The following CNTN4 variants were observed in gnomAD, a reference collection of about 807,000 sequenced individuals.
The protein encoded by CNTN4 is contactin-4.
CNTN4 carries 77 observed loss-of-function variants against 122.5 expected under a neutral mutation model. The observed-to-expected ratio is 0.63, with a 90% CI of 0.52 to 0.76. CNTN4 has a LOEUF of 0.76. CNTN4 is among the 30% of genes least tolerant of loss of function. The pLI is 0.00. For synonymous variants in CNTN4, 512 were observed against 447.0 expected, an observed-to-expected ratio of 1.15 and a Z score of -1.83; for missense variants, 1,256 against 1,259.1, an observed-to-expected ratio of 1.00 and a Z score of 0.04.
chr3:2,172,939 T>C (rs2036579954), intron 2 of CNTN4, among the ~76,000 whole-genome samples: 1 of 152,170 alleles, frequency 6.6e-6, no homozygotes, highest in Non-Finnish European at 1.5e-5. Flanking sequence ...GCAAAGATGA[T>C]TGACGTTTTA....
chr3:2,716,243 T>A (rs1024427300), intron 4 of CNTN4, among the ~76,000 whole-genome samples: 12 of 152,210 alleles, frequency 7.9e-5, no homozygotes, highest in African/African-American at 2.6e-4. Flanking sequence ...AACTCAAAGA[T>A]ATAACTTCTA....
chr3:2,631,907 C>G lies in CNTN4; in HGVS notation c.55+60349C>G, dbSNP rs1404095205. Among the ~76,000 whole-genome samples the G allele has an allele frequency of 3.6e-5, 5 of 137,844 alleles. No homozygotes were observed. In the East Asian group the frequency reaches 1.0e-3, roughly 28 times the overall value. The allele number at this position is 137,844 out of a possible 152,430, so 90.4% of individuals were successfully genotyped here. Reference sequence around the variant, plus strand: ...AAAAAAACAACAACTAAAAAATTAGCTGGACATGGTGGCGTGCACCTGTAA... The same window carrying G: ...AAAAAAACAACAACTAAAAAATTAGGTGGACATGGTGGCGTGCACCTGTAA... On this transcript the variant is annotated intron_variant, in intron 4 of 24. Coordinates refer to ENST00000418658, the MANE Select transcript of CNTN4 (RefSeq NM_175607.3).
At position 2,961,025 on chromosome 3, in the gene CNTN4, T is replaced by TCAAGA. The variant is rs200591902; in HGVS notation, c.1359-27319_1359-27318insAAGAC. 4.2e-5 allele frequency among the ~76,000 whole-genome samples: 6 copies of TCAAGA among 142,970 alleles called. No individual in the cohort carries two copies. In the Admixed American group the frequency reaches 4.2e-4, roughly 10 times the overall value. The allele number at this position is 142,970 out of a possible 152,430, so 93.8% of individuals were successfully genotyped here. ...GCGGGTGGATCACGAGGTCAGGAGA[T>TCAAGA]CGAGACCATCCTGGCTAACACGGTG... On this transcript the variant is annotated intron_variant, in intron 13 of 24. Transcript: ENST00000418658.
intron 13 of CNTN4, among the ~76,000 whole-genome samples, chr3:2,984,707 C>T (rs963449657): frequency 2.0e-5 from 3 of 152,112 alleles, no homozygotes; most frequent in Non-Finnish European, 2.9e-5. Flanking sequence ...TTGGAATGAT[C>T]GTGATACTGT....
intron 14 of CNTN4, among the ~76,000 whole-genome samples, chr3:3,016,096 A>G (rs1021391606): frequency 3.3e-5 from 5 of 152,138 alleles, no homozygotes; most frequent in Non-Finnish European, 5.9e-5. Context: ...CCGTGGGTAA[A>G]AGATATCTGT....
chr3:3,040,334 G>T, intron 20 of CNTN4, 63 bp downstream of exon 20: 1 of 1,264,880 alleles, frequency 7.9e-7, no homozygotes, highest in Non-Finnish European at 1.2e-6. Context: ...AATGTGGATT[G>T]TAGCACGTAC....
intron 2 of CNTN4, among the ~76,000 whole-genome samples, chr3:2,244,623 GTTACTGCTAGAAAA>G (rs1228671560): frequency 6.6e-6 from 1 of 151,934 alleles, no homozygotes; most frequent in East Asian, 1.9e-4. Flanking sequence ...CTTTTTAACT[GTTACTGCTAGAAAA>G]TTTCAAACTG....
chr3:2,564,651 G>A (rs1000040437), intron 3 of CNTN4, among the ~76,000 whole-genome samples: 2 of 152,074 alleles, frequency 1.3e-5, no homozygotes, highest in African/African-American at 2.4e-5. Context: ...AGCCTGGAAC[G>A]CAGTTATTCT....
chr3:2,790,629 A>C (rs2091979379), intron 6 of CNTN4, among the ~76,000 whole-genome samples: 1 of 152,080 alleles, frequency 6.6e-6, no homozygotes. Flanking sequence ...CAGGAAAATC[A>C]CTTTATTTTC....
chr3:2,774,956 T>G (rs191118014), intron 6 of CNTN4, among the ~76,000 whole-genome samples: 12 of 152,342 alleles, frequency 7.9e-5, no homozygotes, highest in Admixed American at 4.6e-4. Flanking sequence ...GTCCTCTTCT[T>G]TGGAAGCACG....
chr3:2,270,924 G>T (rs1313672885), intron 2 of CNTN4, among the ~76,000 whole-genome samples: 1 of 152,138 alleles, frequency 6.6e-6, no homozygotes, highest in Non-Finnish European at 1.5e-5. Flanking sequence ...GCTGTGGTCA[G>T]TTGGTACCTG....
intron 3 of CNTN4, among the ~76,000 whole-genome samples, chr3:2,403,460 C>T (rs144978088): frequency 2.0e-5 from 3 of 152,212 alleles, no homozygotes; most frequent in African/African-American, 7.2e-5. Context: ...TCTGGATCTT[C>T]CCGTCCCTCT....
chr3:2,352,826 G>A (rs903537273), intron 3 of CNTN4, among the ~76,000 whole-genome samples: 15 of 152,208 alleles, frequency 9.9e-5, no homozygotes, highest in African/African-American at 3.4e-4. Flanking sequence ...AGCCAGCTGG[G>A]CTGCTGAGTT....
chr3:2,120,400 TATATA>T (rs1279405855), intron 2 of CNTN4, among the ~76,000 whole-genome samples: 16 of 32,954 alleles, frequency 4.9e-4, no homozygotes, highest in African/African-American at 1.1e-3. Context: ...TATATATATA[TATATA>T]TTTTTTTTTT....
chr3:2,596,857 T>A (rs138509357), intron 4 of CNTN4, among the ~76,000 whole-genome samples: 2 of 152,346 alleles, frequency 1.3e-5, no homozygotes, highest in African/African-American at 4.8e-5. Context: ...AGATTAAAAT[T>A]TGAATCTGCA....
chr3:2,197,349 C>T (rs56107174), intron 2 of CNTN4, among the ~76,000 whole-genome samples: 22,375 of 152,028 alleles, frequency 0.15, 1,957 homozygotes, highest in South Asian at 0.24. Context: ...ATTTGCTAGC[C>T]GGAATTAATT....
At chr3:2,273,797 TTGTTATCCTGGTTAGTTAAC>T in intron 2 of CNTN4, among the ~76,000 whole-genome samples, 1 of 152,354 alleles carries the variant, frequency 6.6e-6, no homozygotes, top group East Asian at 1.9e-4. Flanking sequence ...GTACCACCAT[TTGTTATCCTGGTTAGTTAAC>T]AACTTTCTGA....
chr3:2,611,002 G>A (rs968114556), intron 4 of CNTN4, among the ~76,000 whole-genome samples: 4 of 151,842 alleles, frequency 2.6e-5, no homozygotes, highest in African/African-American at 7.3e-5. Context: ...GTAACGATAC[G>A]ATACATCTTA....
chr3:2,794,080 A>G (rs1469062472), intron 6 of CNTN4, among the ~76,000 whole-genome samples: 2 of 152,198 alleles, frequency 1.3e-5, no homozygotes, highest in Admixed American at 6.5e-5. Context: ...CAAATTCACC[A>G]TATCTGTTAG....
Sources: gnomAD v4.1 joint callset for allele counts (sites outside exome capture counted in the v4.1 genomes callset) on GRCh38, gnomAD v4.1.1 for gene constraint, MANE v1.5 for transcripts, NCBI Gene and HGNC (gene_info 2026-07-23, HGNC 2026-07-21) for gene names.